TOM1L1: variants seen among roughly 807,000 people sequenced by gnomAD.
TOM1L1 encodes the protein TOM1-like protein 1.
TOM1L1 carries 64 observed loss-of-function variants against 63.4 expected under a neutral mutation model. That is an observed-to-expected ratio of 1.01 (90% CI 0.83 to 1.24). TOM1L1 has a LOEUF of 1.24. Ranked by LOEUF, TOM1L1 falls within the 50% of genes most tolerant of loss-of-function variation. TOM1L1 has a pLI of 0.00. For synonymous variants in TOM1L1, 166 were observed against 194.4 expected (o/e 0.85, Z 1.22); for missense variants, 536 against 567.0 (o/e 0.95, Z 0.55).
intron 14 of TOM1L1, chr17:54,957,531 GAC>G (rs2144062959): frequency 6.6e-6 from 1 of 152,264 alleles, no homozygotes; most frequent in South Asian, 2.1e-4. Context: ...CGGTGGGAGA[GAC>G]AGTAAAAAGC....
At chr17:54,911,969 T>G (rs956661060) in intron 3 of TOM1L1, among the ~76,000 whole-genome samples, 2 of 152,176 alleles carry the variant, frequency 1.3e-5, no homozygotes, top group African/African-American at 4.8e-5. Flanking sequence ...CCACCCTATC[T>G]TTCCAGTGTC....
Position 54,961,356 on chromosome 17 carries a change from A to G in TOM1L1, c.*123A>G, listed in dbSNP as rs1435930447. ...CAACATGTCAAAGCCATGGTGGCAC[A>G]TTTCTGCTATAATGAAGATTAAATA... is the stretch of plus-strand genomic sequence containing the variant. On this transcript the variant is annotated 3_prime_UTR_variant, in exon 16 of 16. Transcript: ENST00000575882. 6.4e-7 allele frequency: 1 copy of G among 1,551,244 alleles called. No homozygotes were observed.
chr17:54,921,694 G>A (rs1397074571), intron 7 of TOM1L1, among the ~76,000 whole-genome samples: 1 of 152,078 alleles, frequency 6.6e-6, no homozygotes, highest in African/African-American at 2.4e-5. Context: ...TTGTGCCACT[G>A]CACTCCAGCC....
At position 54,918,955 on chromosome 17, in the gene TOM1L1, C is replaced by T. The variant is rs547890311; in HGVS notation, c.720+3093C>T. On this transcript the variant is annotated intron_variant, in intron 7 of 15. Transcript: ENST00000575882. ...GAGAAATGAATCAGTATTTTGGATC[C>T]GTGGCTTTAAGTATATTATTTTTGG... Among the ~76,000 whole-genome samples the T allele has an allele frequency of 7.9e-5, 12 of 152,158 alleles. No homozygotes were observed. In the South Asian group the frequency reaches 2.1e-3, roughly 26 times the overall value.
intron 10 of TOM1L1, 99 bp from the exon 11 acceptor site, chr17:54,938,823 TTC>T: frequency 3.2e-6 from 2 of 631,102 alleles, no homozygotes; most frequent in Non-Finnish European, 2.6e-6. Flanking sequence ...TCTTTTTTTT[TTC>T]TTTTTCTTTT....
intron 7 of TOM1L1, among the ~76,000 whole-genome samples, chr17:54,920,019 AT>A (rs995643272): frequency 7.9e-5 from 12 of 151,210 alleles, no homozygotes; most frequent in African/African-American, 2.9e-4. Flanking sequence ...TTATTTATTC[AT>A]TTTTTCCCCC....
At chr17:54,916,102 G>A in intron 7 of TOM1L1, 1 of 447,376 alleles carries the variant, frequency 2.2e-6, no homozygotes. Flanking sequence ...TATAACCTTG[G>A]TCATGTACAA....
chr17:54,923,298 T>G (rs1209991605), intron 7 of TOM1L1, among the ~76,000 whole-genome samples: 1 of 152,224 alleles, frequency 6.6e-6, no homozygotes, highest in Admixed American at 6.5e-5. Flanking sequence ...TTTTGAGGAA[T>G]TGTCAAAATG....
chr17:54,949,203 A>ATTTTTTTTTTTTTTTTTTTTTT (rs58407367), intron 12 of TOM1L1, among the ~76,000 whole-genome samples: 1 of 122,296 alleles, frequency 8.2e-6, no homozygotes, highest in African/African-American at 3.2e-5. Context: ...ATGCCCAGCT[A>ATTTTTTTTTTTTTTTTTTTTTT]TTTTTTTTTT....
chr17:54,920,886 G>GA (rs2048672924), intron 7 of TOM1L1, among the ~76,000 whole-genome samples: 1 of 152,174 alleles, frequency 6.6e-6, no homozygotes, highest in South Asian at 2.1e-4. Flanking sequence ...TAGAGAGGAG[G>GA]ATGTAGTAAG....
intron 12 of TOM1L1, among the ~76,000 whole-genome samples, chr17:54,947,980 G>GT (rs1164956166): frequency 2.6e-5 from 4 of 152,048 alleles, no homozygotes; most frequent in African/African-American, 9.7e-5. Context: ...CTCTCAACCT[G>GT]CCCTTCCTGC....
intron 7 of TOM1L1, among the ~76,000 whole-genome samples, chr17:54,926,111 A>G (rs1195231628): frequency 2.0e-5 from 3 of 152,180 alleles, no homozygotes; most frequent in African/African-American, 2.4e-5. Context: ...CTGAAGCCCT[A>G]CTAACTAAGA....
intron 11 of TOM1L1, among the ~76,000 whole-genome samples, chr17:54,941,720 TCA>T (rs1245666302): frequency 9.8e-5 from 15 of 152,298 alleles, no homozygotes; most frequent in Non-Finnish European, 2.1e-4. Flanking sequence ...ATCTAATAAT[TCA>T]GTATGCATAA....
At chr17:54,935,290 G>A (rs1421071205) in intron 8 of TOM1L1, among the ~76,000 whole-genome samples, 1 of 152,096 alleles carries the variant, frequency 6.6e-6, no homozygotes, top group Non-Finnish European at 1.5e-5. Context: ...AGTGTTCAGT[G>A]GGGGAGCTTC....
chr17:54,959,897 G>A lies in TOM1L1; in HGVS notation c.1371-669G>A, dbSNP rs145503036. Among the ~76,000 whole-genome samples, 103 of 152,230 alleles carry A rather than the reference G, an allele frequency of 6.8e-4. 2 individuals are homozygous for A. In the East Asian group the frequency reaches 0.019, roughly 27 times the overall value. On this transcript the variant is annotated intron_variant, in intron 14 of 15. Transcript: ENST00000575882. ...CTCCCAGAGTGCTGGGATTATAGGT[G>A]TGAGCCACTGCACTTGTCCTAATAT...
intron 11 of TOM1L1, among the ~76,000 whole-genome samples, chr17:54,944,449 C>CAAAA (rs34562804): frequency 2.8e-5 from 4 of 142,880 alleles, no homozygotes; most frequent in Non-Finnish European, 3.0e-5. Context: ...GACTCTATCT[C>CAAAA]AAAAAAAAAA....
At chr17:54,959,449 G>A (rs1209880618) in intron 14 of TOM1L1, 2 of 152,040 alleles carry the variant, frequency 1.3e-5, no homozygotes, top group Admixed American at 6.6e-5. Context: ...CTGCACTCCA[G>A]CCTGGGTGAC....
chr17:54,961,313 C>T lies in TOM1L1; in HGVS notation c.*80C>T, dbSNP rs1446406242. 6.4e-7 allele frequency: 1 copy of T among 1,551,428 alleles called. No homozygotes were observed. The highest frequency in any genetic ancestry group is 2.4e-5 in the East Asian group (1 of 40,910). On this transcript the variant is annotated 3_prime_UTR_variant, in exon 16 of 16. Coordinates refer to ENST00000575882, the MANE Select transcript of TOM1L1 (RefSeq NM_005486.3). ...CGTAGACTCTGTGCAGCTTTGAAGC[C>T]TGGAAGACAATACCTACCAACATGT...
At position 54,912,683 on chromosome 17, in the gene TOM1L1, G is replaced by A. The variant is rs776246802; in HGVS notation, c.240G>A (p.Val80=). ...QLTLSLIDMC[V]QNCGPSFQSL... is the part of the protein sequence containing the mutation. ...TAATTTAGCTTATTGACATGTGTGT[G>A]CAGAACTGTGGTCCAAGTTTCCAGT... The change falls in exon 4 of 16, where the codon GTG becomes GTA. Residue 80 remains valine (V), a synonymous_variant. Transcript: ENST00000575882. 4 of 1,596,720 alleles carry A rather than the reference G, an allele frequency of 2.5e-6. No individual in the cohort carries two copies. Among genetic ancestry groups the A allele is most frequent in the Non-Finnish European group, 3.4e-6 (4 of 1,174,580 alleles).
Sources: allele counts gnomAD v4.1 joint callset (sites outside exome capture counted in the v4.1 genomes callset), GRCh38; gene constraint gnomAD v4.1.1; transcripts MANE v1.5; gene names NCBI Gene and HGNC (gene_info 2026-07-23, HGNC 2026-07-21).